ARHGEF3: variants seen among roughly 807,000 people sequenced by gnomAD.
The protein encoded by ARHGEF3 is Rho guanine nucleotide exchange factor 3, also known as 59.8 kDA protein.
Under a neutral mutation model 63.2 loss-of-function variants are expected in ARHGEF3, and 28 were observed. That is an observed-to-expected ratio of 0.44 (90% CI 0.33 to 0.61). The LOEUF is 0.61. Ranked by LOEUF, ARHGEF3 falls within the 20% of genes least tolerant of loss-of-function variation. ARHGEF3 has a pLI of 0.03. For synonymous variants in ARHGEF3, 266 were observed against 254.2 expected, an observed-to-expected ratio of 1.05 and a Z score of -0.44; for missense variants, 533 against 659.3, an observed-to-expected ratio of 0.81 and a Z score of 2.10.
At chr3:56,779,371 G>A (rs1028017963) in intron 1 of ARHGEF3, among the ~76,000 whole-genome samples, 6 of 152,184 alleles carry the variant, frequency 3.9e-5, no homozygotes, top group Non-Finnish European at 1.5e-5. Context: ...TCACAGGTTG[G>A]TAGTTGTCAA....
intron 2 of ARHGEF3, among the ~76,000 whole-genome samples, chr3:57,008,100 T>C (rs370225151): frequency 1.3e-4 from 20 of 152,170 alleles, no homozygotes; most frequent in South Asian, 4.1e-4. Context: ...CCAAAATATA[T>C]TAACCGTGTA....
chr3:56,992,022 CTCTGTGTGTGTGTGTGTGTGTG>C (rs2106954175), intron 2 of ARHGEF3, among the ~76,000 whole-genome samples: 1 of 71,172 alleles, frequency 1.4e-5, no homozygotes, highest in African/African-American at 6.9e-5. Context: ...CCCCTCCTCT[CTCTGTGTGTGTGTGTGTGTGTG>C]TGTGTGTGTG....
chr3:56,935,590 G>A (rs1340048459), intron 3 of ARHGEF3, among the ~76,000 whole-genome samples: 1 of 152,096 alleles, frequency 6.6e-6, no homozygotes, highest in Non-Finnish European at 1.5e-5. Context: ...CCCACCGGGA[G>A]GAACGAACAA....
At chr3:56,788,609 A>C (rs552748942) in intron 1 of ARHGEF3, among the ~76,000 whole-genome samples, 1 of 152,076 alleles carries the variant, frequency 6.6e-6, no homozygotes, top group Non-Finnish European at 1.5e-5. Context: ...GAAGAGCTCA[A>C]AGCAACCTAA....
intron 3 of ARHGEF3, among the ~76,000 whole-genome samples, chr3:56,954,213 G>C (rs1420201306): frequency 6.6e-6 from 1 of 152,132 alleles, no homozygotes; most frequent in African/African-American, 2.4e-5. Context: ...AGCAGGTCCT[G>C]GTTAAGCATT....
chr3:56,877,766 G>A (rs1195355609), intron 4 of ARHGEF3, among the ~76,000 whole-genome samples: 1 of 152,110 alleles, frequency 6.6e-6, no homozygotes, highest in Admixed American at 6.5e-5. Context: ...GCAAATTTAT[G>A]GACATGCAAA....
chr3:56,937,806 G>C (rs1446436106), intron 3 of ARHGEF3, among the ~76,000 whole-genome samples: 2 of 152,186 alleles, frequency 1.3e-5, no homozygotes, highest in Non-Finnish European at 2.9e-5. Flanking sequence ...CATCTAACTT[G>C]TGCTGAGTCA....
intron 1 of ARHGEF3, chr3:57,075,461 C>T (rs1224668174): frequency 6.0e-6 from 1 of 165,830 alleles, no homozygotes; most frequent in Non-Finnish European, 1.5e-5. Context: ...GTAAATACAA[C>T]CTCAATTAGG....
chr3:57,068,556 T>C (rs1014443827), intron 1 of ARHGEF3, among the ~76,000 whole-genome samples: 16 of 152,260 alleles, frequency 1.1e-4, no homozygotes, highest in African/African-American at 3.6e-4. Flanking sequence ...ACACATGAAA[T>C]GTGAGTGATT....
chr3:57,061,304 AT>A lies in ARHGEF3; in HGVS notation c.-28+17921del, dbSNP rs530275314. ...GTCAAAAATTCCTTTATTTATTATT[AT>A]TTTTTTTTTTGCAATGGGGTCTGGC... is the stretch of plus-strand genomic sequence containing the variant. On this transcript the variant is annotated intron_variant, in intron 1 of 12. Transcript: ENST00000338458. 5.0e-4 allele frequency among the ~76,000 whole-genome samples: 76 copies of A among 151,368 alleles called. No homozygotes were observed. The South Asian group carries it at 0.015, about 29-fold the overall frequency.
intron 3 of ARHGEF3, among the ~76,000 whole-genome samples, chr3:56,908,347 C>T (rs1406195940): frequency 1.3e-5 from 2 of 152,220 alleles, no homozygotes; most frequent in Admixed American, 1.3e-4. Context: ...TGTCTGTAAT[C>T]CACCTTCCAC....
At chr3:56,750,399 T>G (rs949498049) in intron 6 of ARHGEF3, among the ~76,000 whole-genome samples, 1 of 152,212 alleles carries the variant, frequency 6.6e-6, no homozygotes, top group Non-Finnish European at 1.5e-5. Flanking sequence ...AGCTTACTTC[T>G]TTTTATTTAA....
At chr3:56,880,083 G>A (rs1014621877) in intron 4 of ARHGEF3, among the ~76,000 whole-genome samples, 6 of 152,134 alleles carry the variant, frequency 3.9e-5, no homozygotes, top group Admixed American at 2.6e-4. Flanking sequence ...ACAGCTTCTA[G>A]AATTCTTCCA....
chr3:56,779,026 A>G (rs1273199259), intron 1 of ARHGEF3, among the ~76,000 whole-genome samples: 1 of 152,022 alleles, frequency 6.6e-6, no homozygotes, highest in Non-Finnish European at 1.5e-5. Flanking sequence ...ACCCAAGGAC[A>G]ACACTCCCAG....
intron 2 of ARHGEF3, among the ~76,000 whole-genome samples, chr3:56,974,558 T>C (rs1355207293): frequency 6.6e-6 from 1 of 152,160 alleles, no homozygotes; most frequent in Non-Finnish European, 1.5e-5. Flanking sequence ...CTTCTGGAAA[T>C]CTAATTTAAG....
intron 3 of ARHGEF3, among the ~76,000 whole-genome samples, chr3:56,895,472 A>T (rs2088791): frequency 0.11 from 8,862 of 77,196 alleles, 296 homozygotes; most frequent in South Asian, 0.24. Flanking sequence ...TTATTTATTT[A>T]TTTTTTTTTG....
At chr3:56,864,286 A>C (rs989538692) in intron 4 of ARHGEF3, among the ~76,000 whole-genome samples, 1 of 152,168 alleles carries the variant, frequency 6.6e-6, no homozygotes, top group African/African-American at 2.4e-5. Flanking sequence ...TCTACCACCT[A>C]CCAGCTGCAT....
chr3:57,014,965 G>A (rs1354337576), intron 2 of ARHGEF3, among the ~76,000 whole-genome samples: 1 of 151,642 alleles, frequency 6.6e-6, no homozygotes, highest in African/African-American at 2.4e-5. Context: ...GACTACAGGC[G>A]TGAGCCACTG....
chr3:56,951,025 A>G (rs1286806242), intron 3 of ARHGEF3, among the ~76,000 whole-genome samples: 1 of 151,934 alleles, frequency 6.6e-6, no homozygotes, highest in African/African-American at 2.4e-5. Context: ...AAACTATCGC[A>G]AGGACAAAAA....
Sources: allele counts gnomAD v4.1 joint callset (sites outside exome capture counted in the v4.1 genomes callset), GRCh38; gene constraint gnomAD v4.1.1; transcripts MANE v1.5; gene names NCBI Gene and HGNC (gene_info 2026-07-23, HGNC 2026-07-21).